The following REDIC1 variants were observed in gnomAD, a reference collection of about 807,000 sequenced individuals.
REDIC1 encodes HEI10 Interacting Protein 1.
At chr12:39,882,661 A>G in the REDIC1 span, among the ~76,000 whole-genome samples, 1 of 152,176 alleles carries the variant, frequency 6.6e-6, no homozygotes, top group Non-Finnish European at 1.5e-5. Context: ...GAGCAATCAG[A>G]TGGGTGCTCC....
At chr12:39,780,486 T>C in the REDIC1 span, among the ~76,000 whole-genome samples, 1 of 152,210 alleles carries the variant, frequency 6.6e-6, no homozygotes, top group Non-Finnish European at 1.5e-5. Flanking sequence ...ATAAAATGCT[T>C]CTCAAAGAGC....
the REDIC1 span, among the ~76,000 whole-genome samples, chr12:39,864,159 C>T: frequency 5.9e-5 from 9 of 152,178 alleles, no homozygotes; most frequent in African/African-American, 1.4e-4. Context: ...ATCTACTTTT[C>T]GATCTATTTA....
chr12:39,871,253 A>G, the REDIC1 span, among the ~76,000 whole-genome samples: 6 of 152,308 alleles, frequency 3.9e-5, no homozygotes, highest in African/African-American at 1.4e-4. Flanking sequence ...TTATTTTGCT[A>G]TCATAGAAAA....
the REDIC1 span, among the ~76,000 whole-genome samples, chr12:39,641,604 A>G: frequency 1.3e-5 from 2 of 151,800 alleles, no homozygotes; most frequent in African/African-American, 2.4e-5. Context: ...TATGCAAGTA[A>G]TAGCATAGCA....
chr12:39,902,675 C>T, the REDIC1 span, among the ~76,000 whole-genome samples: 79 of 152,130 alleles, frequency 5.2e-4, 1 homozygote, highest in Non-Finnish European at 7.9e-4. Context: ...TTTCTTTTTG[C>T]ACTGCCTTAT....
At chr12:39,767,704 T>A in the REDIC1 span, among the ~76,000 whole-genome samples, 1 of 152,074 alleles carries the variant, frequency 6.6e-6, no homozygotes, top group Non-Finnish European at 1.5e-5. Context: ...GTAGTTCCCA[T>A]AGTCTCCACG....
the REDIC1 span, among the ~76,000 whole-genome samples, chr12:39,827,623 T>G: frequency 6.6e-6 from 1 of 152,120 alleles, no homozygotes; most frequent in Non-Finnish European, 1.5e-5. Flanking sequence ...GGGGAGGTTA[T>G]GGGCAGGAGG....
the REDIC1 span, among the ~76,000 whole-genome samples, chr12:39,784,762 A>G: frequency 2.6e-4 from 39 of 152,336 alleles, no homozygotes; most frequent in African/African-American, 7.7e-4. Context: ...GCACAGCAAA[A>G]GAAACTACCA....
chr12:39,705,047 A>G, the REDIC1 span, among the ~76,000 whole-genome samples: 1 of 152,084 alleles, frequency 6.6e-6, no homozygotes, highest in African/African-American at 2.4e-5. Context: ...CAATGTGCAC[A>G]TGTACCCTAA....
the REDIC1 span, chr12:39,907,878 G>T: frequency 6.6e-6 from 1 of 152,106 alleles, no homozygotes; most frequent in Non-Finnish European, 1.5e-5. Flanking sequence ...AGAGAATGGA[G>T]CCTTAGAATC....
At chr12:39,785,532 G>C in the REDIC1 span, among the ~76,000 whole-genome samples, 1 of 152,286 alleles carries the variant, frequency 6.6e-6, no homozygotes, top group Admixed American at 6.5e-5. Context: ...GGGAAATGTG[G>C]GGTCAGAGCC....
At chr12:39,695,721 C>G in the REDIC1 span, among the ~76,000 whole-genome samples, 1 of 152,172 alleles carries the variant, frequency 6.6e-6, no homozygotes, top group Non-Finnish European at 1.5e-5. Context: ...AGCTTTGCCA[C>G]CTGCTGATTG....
the REDIC1 span, among the ~76,000 whole-genome samples, chr12:39,691,054 T>C: frequency 3.3e-5 from 5 of 152,280 alleles, no homozygotes; most frequent in Non-Finnish European, 7.4e-5. Flanking sequence ...GGGGCTCTGC[T>C]CCATGTAGTT....
At chr12:39,646,392 A>C in the REDIC1 span, 1 of 1,464,774 alleles carries the variant, frequency 6.8e-7, no homozygotes, top group South Asian at 1.5e-5. Flanking sequence ...CTAAGAAAGC[A>C]TAATTTAGAA....
chr12:39,651,490 T>A, the REDIC1 span, among the ~76,000 whole-genome samples: 1 of 152,202 alleles, frequency 6.6e-6, no homozygotes, highest in Non-Finnish European at 1.5e-5. Context: ...ATGGCACCAC[T>A]ATTCACTGAG....
At chr12:39,747,564 A>C in the REDIC1 span, among the ~76,000 whole-genome samples, 1 of 152,226 alleles carries the variant, frequency 6.6e-6, no homozygotes, top group Admixed American at 6.5e-5. Context: ...CAAATTCAGG[A>C]AATACAGAGA....
chr12:39,838,962 A>C, the REDIC1 span, among the ~76,000 whole-genome samples: 1 of 152,092 alleles, frequency 6.6e-6, no homozygotes, highest in African/African-American at 2.4e-5. Context: ...ATGGTGGCAA[A>C]CACAGATGTA....
the REDIC1 span, among the ~76,000 whole-genome samples, chr12:39,711,285 T>G: frequency 4.7e-5 from 7 of 148,844 alleles, no homozygotes; most frequent in African/African-American, 1.7e-4. Context: ...ATCACATATA[T>G]AGTGTATATA....
At chr12:39,682,980 T>C in the REDIC1 span, 2 of 1,613,238 alleles carry the variant, frequency 1.2e-6, no homozygotes, top group African/African-American at 2.7e-5. Context: ...TTTTTACAGT[T>C]CCAGAGTTGA....
Sources: gnomAD v4.1 joint callset for allele counts (sites outside exome capture counted in the v4.1 genomes callset) on GRCh38, gnomAD v4.1.1 for gene constraint, MANE v1.5 for transcripts, NCBI Gene and HGNC (gene_info 2026-07-23, HGNC 2026-07-21) for gene names.